Variants in PPARGC1A observed in about 807,000 individuals in gnomAD.
The protein encoded by PPARGC1A is peroxisome proliferator-activated receptor gamma coactivator 1-alpha.
A neutral mutation model predicts 88.7 loss-of-function variants in PPARGC1A; 25 were observed. The observed-to-expected ratio is 0.28, with a 90% CI of 0.21 to 0.39. PPARGC1A has a LOEUF of 0.39. PPARGC1A is among the 10% of genes least tolerant of loss of function. PPARGC1A has a pLI of 1.00. For missense variants in PPARGC1A, 880 were observed against 968.7 expected (o/e 0.91, Z 1.22); for synonymous variants, 363 against 355.6 (o/e 1.02, Z -0.24).
chr4:24,227,079 C>T, the PPARGC1A span, among the ~76,000 whole-genome samples: 1 of 151,892 alleles, frequency 6.6e-6, no homozygotes, highest in Non-Finnish European at 1.5e-5. Flanking sequence ...GGTTCTAACA[C>T]TTCTTTTTTT....
chr4:24,280,103 C>A, the PPARGC1A span, among the ~76,000 whole-genome samples: 1 of 152,198 alleles, frequency 6.6e-6, no homozygotes, highest in African/African-American at 2.4e-5. Flanking sequence ...CACGTCTCAT[C>A]TTTAATGTTA....
chr4:23,869,479 G>C (rs1025411002), intron 2 of PPARGC1A, among the ~76,000 whole-genome samples: 5 of 152,138 alleles, frequency 3.3e-5, no homozygotes, highest in Non-Finnish European at 5.9e-5. Flanking sequence ...AATCAGTCAA[G>C]AGAGTTTGGA....
chr4:23,807,915 A>G (rs1210223371), intron 10 of PPARGC1A, among the ~76,000 whole-genome samples: 5 of 152,176 alleles, frequency 3.3e-5, no homozygotes, highest in African/African-American at 1.2e-4. Flanking sequence ...GAGTCACAAT[A>G]TAACATATAC....
At chr4:24,268,865 C>A in the PPARGC1A span, among the ~76,000 whole-genome samples, 1 of 152,136 alleles carries the variant, frequency 6.6e-6, no homozygotes, top group Non-Finnish European at 1.5e-5. Flanking sequence ...TTAATCCGTA[C>A]ATATTTATGG....
the PPARGC1A span, among the ~76,000 whole-genome samples, chr4:24,239,270 A>G: frequency 6.6e-6 from 1 of 152,224 alleles, no homozygotes; most frequent in Non-Finnish European, 1.5e-5. Context: ...TGAAGGAAAT[A>G]AGCATGCAAA....
At chr4:24,209,207 A>G in the PPARGC1A span, among the ~76,000 whole-genome samples, 3 of 152,192 alleles carry the variant, frequency 2.0e-5, no homozygotes, top group Admixed American at 2.0e-4. Context: ...GCTGATGGAT[A>G]CAGGTTGGAA....
At chr4:23,906,918 C>T (rs1720115329), upstream of PPARGC1A, among the ~76,000 whole-genome samples, 1 of 152,152 alleles carries the variant, frequency 6.6e-6, no homozygotes, top group Non-Finnish European at 1.5e-5. Context: ...ATAAAACAAA[C>T]TCCACTAAAT....
At chr4:24,275,565 TC>T in the PPARGC1A span, among the ~76,000 whole-genome samples, 1 of 152,166 alleles carries the variant, frequency 6.6e-6, no homozygotes, top group Admixed American at 6.5e-5. Context: ...GAATTTCAGA[TC>T]CCCTCACATG....
the PPARGC1A span, among the ~76,000 whole-genome samples, chr4:24,321,137 G>A: frequency 2.0e-5 from 3 of 152,120 alleles, no homozygotes; most frequent in Non-Finnish European, 2.9e-5. Flanking sequence ...CCAAAATAGA[G>A]GTGCCCTTCA....
the PPARGC1A span, among the ~76,000 whole-genome samples, chr4:24,407,437 G>A: frequency 1.3e-5 from 2 of 152,132 alleles, no homozygotes; most frequent in Non-Finnish European, 2.9e-5. Context: ...GCAATGAGTG[G>A]GAGAATGTTC....
At chr4:24,274,241 A>G in the PPARGC1A span, among the ~76,000 whole-genome samples, 7 of 152,110 alleles carry the variant, frequency 4.6e-5, no homozygotes, top group Non-Finnish European at 1.0e-4. Flanking sequence ...TCTTTTAGGT[A>G]AAGTGTCACT....
the PPARGC1A span, among the ~76,000 whole-genome samples, chr4:24,349,552 C>T: frequency 6.6e-6 from 1 of 152,064 alleles, no homozygotes; most frequent in Non-Finnish European, 1.5e-5. Context: ...GCTGCCTCTG[C>T]TGAGTCATGC....
chr4:24,001,347 C>T, the PPARGC1A span, among the ~76,000 whole-genome samples: 3 of 152,196 alleles, frequency 2.0e-5, no homozygotes, highest in African/African-American at 4.8e-5. Context: ...ACCTTGAGTG[C>T]TTTGCTGACA....
At chr4:24,443,558 T>G in the PPARGC1A span, among the ~76,000 whole-genome samples, 4 of 148,786 alleles carry the variant, frequency 2.7e-5, no homozygotes, top group Admixed American at 2.0e-4. Context: ...TTTGTTTTTG[T>G]TTTTATATAT....
intron 1 of PPARGC1A, among the ~76,000 whole-genome samples, chr4:23,887,203 G>A (rs200544787): frequency 9.3e-5 from 14 of 150,632 alleles, no homozygotes; most frequent in Middle Eastern, 6.8e-3. Flanking sequence ...TCGCTCGTGC[G>A]CTCTCTCTCT....
chr4:23,796,492 C>T lies in PPARGC1A; in HGVS notation c.2294-567G>A, dbSNP rs565129949. Among the ~76,000 whole-genome samples, 7 of 152,268 alleles carry T rather than the reference C, an allele frequency of 4.6e-5. No homozygotes were observed. The South Asian group carries it at 1.5e-3, about 32-fold the overall frequency. On this transcript the variant is annotated intron_variant, in intron 12 of 12. Coordinates refer to ENST00000264867, the MANE Select transcript of PPARGC1A (RefSeq NM_013261.5). ...CCAAATTGGAAGGTTGAGAGAAATG[C>T]TTCACATCCCAGGAGAGTAAATTCG...
At chr4:23,943,967 G>A in the PPARGC1A span, among the ~76,000 whole-genome samples, 1 of 152,040 alleles carries the variant, frequency 6.6e-6, no homozygotes, top group Non-Finnish European at 1.5e-5. Context: ...AGGAAAGTCT[G>A]ATAAACTGTC....
intron 1 of PPARGC1A, among the ~76,000 whole-genome samples, chr4:23,895,800 C>T (rs923246550): frequency 2.6e-5 from 4 of 151,880 alleles, no homozygotes; most frequent in Admixed American, 1.3e-4. Flanking sequence ...GAAATTCATC[C>T]TAAGGCAATA....
At chr4:23,918,301 C>T in the PPARGC1A span, among the ~76,000 whole-genome samples, 1 of 151,826 alleles carries the variant, frequency 6.6e-6, no homozygotes, top group African/African-American at 2.4e-5. Flanking sequence ...CTGTTCACTA[C>T]AACCTCAGCC....
Sources: allele counts gnomAD v4.1 joint callset (sites outside exome capture counted in the v4.1 genomes callset), GRCh38; gene constraint gnomAD v4.1.1; transcripts MANE v1.5; gene names NCBI Gene and HGNC (gene_info 2026-07-23, HGNC 2026-07-21).